Variants in FHIT observed in about 807,000 individuals in gnomAD.
FHIT encodes the protein bis(5'-adenosyl)-triphosphatase.
Under a neutral mutation model 17.9 loss-of-function variants are expected in FHIT, and 19 were observed. That is an observed-to-expected ratio of 1.06 (90% CI 0.74 to 1.56). FHIT has a LOEUF of 1.56. Among genes scored for constraint, FHIT ranks in the 40% most tolerant of loss-of-function variants. The pLI is 0.00. For missense variants in FHIT, 248 were observed against 189.2 expected (o/e 1.31, Z -1.82); for synonymous variants, 81 against 69.7 (o/e 1.16, Z -0.81).
At chr3:60,254,286 T>C (rs1288587488) in intron 5 of FHIT, among the ~76,000 whole-genome samples, 2 of 152,136 alleles carry the variant, frequency 1.3e-5, no homozygotes, top group Non-Finnish European at 2.9e-5. Flanking sequence ...CAATGAACAG[T>C]GAGAACTACA....
chr3:59,991,287 G>A (rs905895299), intron 7 of FHIT, among the ~76,000 whole-genome samples: 6 of 152,050 alleles, frequency 3.9e-5, no homozygotes, highest in African/African-American at 1.4e-4. Flanking sequence ...ATACCATATA[G>A]ACTTTTAGTG....
At chr3:60,902,599 C>A (rs1553763461) in intron 3 of FHIT, among the ~76,000 whole-genome samples, 1 of 152,158 alleles carries the variant, frequency 6.6e-6, no homozygotes, top group Admixed American at 6.5e-5. Flanking sequence ...ACTGACAGAA[C>A]TATTGGTAAG....
intron 5 of FHIT, among the ~76,000 whole-genome samples, chr3:60,123,330 C>T (rs72882760): frequency 0.14 from 21,742 of 152,032 alleles, 1,720 homozygotes; most frequent in South Asian, 0.21. Flanking sequence ...GGATGTTAAA[C>T]TTGATTTAAC....
intron 5 of FHIT, among the ~76,000 whole-genome samples, chr3:60,148,897 A>C (rs1339114872): frequency 6.6e-6 from 1 of 152,060 alleles, no homozygotes; most frequent in Non-Finnish European, 1.5e-5. Context: ...CGTGACCCTA[A>C]TTTTCACTCT....
At chr3:61,008,434 C>T (rs879326409) in intron 3 of FHIT, among the ~76,000 whole-genome samples, 1 of 151,942 alleles carries the variant, frequency 6.6e-6, no homozygotes, top group Admixed American at 6.6e-5. Flanking sequence ...CTCTGCACTA[C>T]AATTCTCCCT....
chr3:60,078,785 T>C (rs1311987845), intron 5 of FHIT, among the ~76,000 whole-genome samples: 1 of 152,106 alleles, frequency 6.6e-6, no homozygotes, highest in African/African-American at 2.4e-5. Context: ...ATAACATATA[T>C]GGTACACACA....
At position 59,768,473 on chromosome 3, in the gene FHIT, C is replaced by T. The variant is rs1335037192; in HGVS notation, c.349-16152G>A. ...GATGGCATTTCTTCCCCTGATCCAC[C>T]AGCACTGGACTTAGGTGGCCCTCCA... On this transcript the variant is annotated intron_variant, in intron 8 of 9. Transcript: ENST00000492590. 3.3e-5 allele frequency among the ~76,000 whole-genome samples: 5 copies of T among 152,306 alleles called. No individual in the cohort carries two copies. In the South Asian group the frequency reaches 8.3e-4, roughly 25 times the overall value.
Position 59,773,604 on chromosome 3 carries a change from G to A in FHIT, c.349-21283C>T, listed in dbSNP as rs17061193. On this transcript the variant is annotated intron_variant, in intron 8 of 9. Transcript: ENST00000492590. The stretch of plus-strand genomic sequence containing the variant: ...AATGTAATTAATTCCCTCTTTTCAC[G>A]AAGCCTTCCTGGAGCACCCTACACT... Among the ~76,000 whole-genome samples, 807 of 151,954 alleles carry A rather than the reference G, an allele frequency of 5.3e-3. 10 individuals carry two copies. Among genetic ancestry groups the A allele is most frequent in the African/African-American group, 0.018 (750 of 41,428 alleles).
chr3:60,700,796 A>T (rs931793929), intron 4 of FHIT, among the ~76,000 whole-genome samples: 16 of 152,108 alleles, frequency 1.1e-4, no homozygotes, highest in Non-Finnish European at 2.9e-5. Flanking sequence ...TGTGATTTTA[A>T]TTTGTATTTC....
At chr3:60,692,821 T>G (rs538344321) in intron 4 of FHIT, among the ~76,000 whole-genome samples, 1 of 152,356 alleles carries the variant, frequency 6.6e-6, no homozygotes, top group South Asian at 2.1e-4. Flanking sequence ...CACATGCATA[T>G]GCAAAAGATG....
chr3:60,473,326 G>T (rs1351107656), intron 5 of FHIT, among the ~76,000 whole-genome samples: 1 of 152,142 alleles, frequency 6.6e-6, no homozygotes, highest in Non-Finnish European at 1.5e-5. Context: ...TAACTAAAGG[G>T]CTGAGGGGAG....
chr3:61,102,086 A>G (rs886471865), intron 2 of FHIT, among the ~76,000 whole-genome samples: 1 of 152,190 alleles, frequency 6.6e-6, no homozygotes, highest in African/African-American at 2.4e-5. Context: ...AACTTCCAAC[A>G]CTATATTGAA....
intron 3 of FHIT, among the ~76,000 whole-genome samples, chr3:60,964,540 C>A (rs1207643340): frequency 1.3e-5 from 2 of 152,158 alleles, no homozygotes; most frequent in Non-Finnish European, 2.9e-5. Context: ...ATGGTGTTTA[C>A]AATTTGGCAT....
At chr3:61,084,560 T>C (rs2035247549) in intron 2 of FHIT, among the ~76,000 whole-genome samples, 1 of 152,222 alleles carries the variant, frequency 6.6e-6, no homozygotes, top group African/African-American at 2.4e-5. Flanking sequence ...CTTTCAGTAA[T>C]ATTCTGTACC....
Position 59,983,507 on chromosome 3 carries a change from TCTTA to T in FHIT, c.279+27860_279+27863del, listed in dbSNP as rs1406647662. Among the ~76,000 whole-genome samples, 4 of 152,196 alleles carry T rather than the reference TCTTA, an allele frequency of 2.6e-5. No homozygotes were observed. In the East Asian group the frequency reaches 7.7e-4, roughly 29 times the overall value. On this transcript the variant is annotated intron_variant, in intron 7 of 9. Coordinates refer to ENST00000492590, the MANE Select transcript of FHIT (RefSeq NM_002012.4). ...ACTATTTTATTAGTAGTAATTGATC[TCTTA>T]CTGTGTCTAATTTATAAATTAAACT... is the stretch of plus-strand genomic sequence containing the variant.
intron 3 of FHIT, among the ~76,000 whole-genome samples, chr3:60,854,118 A>C (rs1240945792): frequency 6.6e-6 from 1 of 152,108 alleles, no homozygotes; most frequent in Non-Finnish European, 1.5e-5. Flanking sequence ...GGTTCCTCCA[A>C]ATCATCTGGC....
At position 60,333,798 on chromosome 3, in the gene FHIT, G is replaced by A. The variant is rs180855521; in HGVS notation, c.103+203062C>T. ...GAGTTCCTTTCTCAAGAAACCAACC[G>A]TCAGGCCTCCCAGATAGGATCAAGG... On this transcript the variant is annotated intron_variant, in intron 5 of 9. Transcript: ENST00000492590. Among the ~76,000 whole-genome samples, 361 of 152,160 alleles carry A rather than the reference G, an allele frequency of 2.4e-3. 1 individual carries two copies. The highest frequency in any genetic ancestry group is 3.8e-3 in the Non-Finnish European group (260 of 68,000).
intron 7 of FHIT, among the ~76,000 whole-genome samples, chr3:59,936,028 C>A (rs1249676104): frequency 1.3e-5 from 2 of 152,066 alleles, no homozygotes; most frequent in Non-Finnish European, 2.9e-5. Context: ...TCACATAAAT[C>A]CCTTTTAAAA....
intron 3 of FHIT, among the ~76,000 whole-genome samples, chr3:60,850,614 C>T (rs1553748013): frequency 6.6e-6 from 1 of 152,094 alleles, no homozygotes; most frequent in East Asian, 1.9e-4. Flanking sequence ...AGGTATTGTG[C>T]TCACCACTTG....
Sources: gnomAD v4.1 joint callset for allele counts (sites outside exome capture counted in the v4.1 genomes callset) on GRCh38, gnomAD v4.1.1 for gene constraint, MANE v1.5 for transcripts, NCBI Gene and HGNC (gene_info 2026-07-23, HGNC 2026-07-21) for gene names.